The following CSTPP1 variants were observed in gnomAD, a reference collection of about 807,000 sequenced individuals.
CSTPP1 encodes the protein UPF0705 protein C11orf49.
the CSTPP1 span, among the ~76,000 whole-genome samples, chr11:46,955,390 G>A: frequency 0.79 from 117,048 of 148,182 alleles, 47,453 homozygotes; most frequent in African/African-American, 0.95. Context: ...TTCGAGACAG[G>A]GTCTTGCTCT....
the CSTPP1 span, among the ~76,000 whole-genome samples, chr11:47,082,606 G>A: frequency 3.3e-5 from 5 of 151,976 alleles, no homozygotes; most frequent in Admixed American, 2.0e-4. Flanking sequence ...CAATTCAGTC[G>A]TTTTTAGAAT....
the CSTPP1 span, among the ~76,000 whole-genome samples, chr11:47,002,722 GTGTTCTCAAGCCCCAA>G: frequency 0.023 from 3,514 of 152,148 alleles, 51 homozygotes; most frequent in Non-Finnish European, 0.036. Context: ...CTTGGCTGAA[GTGTTCTCAAGCCCCAA>G]TGATACTATT....
chr11:46,978,208 A>T, the CSTPP1 span, among the ~76,000 whole-genome samples: 2 of 152,256 alleles, frequency 1.3e-5, no homozygotes, highest in South Asian at 4.1e-4. Context: ...CCAACAAAGA[A>T]GATAACATAC....
the CSTPP1 span, chr11:47,161,549 G>T: frequency 6.2e-7 from 1 of 1,614,134 alleles, no homozygotes; most frequent in Middle Eastern, 1.7e-4. Context: ...TCCCCGGGTT[G>T]GCTCTCCCTG....
chr11:46,959,703 C>CT, the CSTPP1 span, among the ~76,000 whole-genome samples: 1 of 151,996 alleles, frequency 6.6e-6, no homozygotes, highest in Non-Finnish European at 1.5e-5. Context: ...TAAGTTTTAG[C>CT]TTTTTTTCTG....
the CSTPP1 span, chr11:47,161,222 T>C: frequency 6.2e-7 from 1 of 1,614,116 alleles, no homozygotes; most frequent in Non-Finnish European, 8.5e-7. Flanking sequence ...ACTGCCCCCT[T>C]GTGGGGGCCA....
chr11:46,981,758 T>TA, the CSTPP1 span, among the ~76,000 whole-genome samples: 145 of 152,080 alleles, frequency 9.5e-4, 4 homozygotes, highest in East Asian at 0.01. Context: ...CTCTAGTTTT[T>TA]AAAAAAATTG....
the CSTPP1 span, among the ~76,000 whole-genome samples, chr11:47,069,952 A>T: frequency 6.6e-6 from 1 of 152,192 alleles, no homozygotes; most frequent in African/African-American, 2.4e-5. Flanking sequence ...TGACCTCATG[A>T]TCCACCCGCC....
chr11:47,062,072 C>G, the CSTPP1 span, among the ~76,000 whole-genome samples: 1 of 152,114 alleles, frequency 6.6e-6, no homozygotes, highest in Non-Finnish European at 1.5e-5. Context: ...TTAAAGAAGC[C>G]TTCTCTGTGA....
At chr11:46,950,713 G>T in the CSTPP1 span, among the ~76,000 whole-genome samples, 1 of 151,958 alleles carries the variant, frequency 6.6e-6, no homozygotes, top group Non-Finnish European at 1.5e-5. Context: ...CCGGGTTCAA[G>T]CAATTCTCCT....
chr11:47,157,265 G>A, the CSTPP1 span: 44 of 1,513,452 alleles, frequency 2.9e-5, no homozygotes, highest in African/African-American at 1.5e-4. Context: ...CCAGGGGGTC[G>A]GACTGCTGGC....
the CSTPP1 span, among the ~76,000 whole-genome samples, chr11:47,135,804 T>A: frequency 6.6e-6 from 1 of 152,208 alleles, no homozygotes; most frequent in Non-Finnish European, 1.5e-5. Context: ...TTTTAAGAGC[T>A]TTTGTTGTGT....
At chr11:47,049,231 C>T in the CSTPP1 span, among the ~76,000 whole-genome samples, 6 of 152,228 alleles carry the variant, frequency 3.9e-5, no homozygotes, top group East Asian at 1.2e-3. Context: ...AAGCAGCCCA[C>T]CCACCTCAGC....
At chr11:47,136,164 T>C in the CSTPP1 span, among the ~76,000 whole-genome samples, 1 of 152,196 alleles carries the variant, frequency 6.6e-6, no homozygotes, top group Non-Finnish European at 1.5e-5. Context: ...AGATAGAACT[T>C]TCCTTTATTT....
the CSTPP1 span, among the ~76,000 whole-genome samples, chr11:47,067,598 C>T: frequency 1.3e-5 from 2 of 152,356 alleles, no homozygotes; most frequent in African/African-American, 2.4e-5. Context: ...TACCAGAGAG[C>T]TGCCCATGCC....
chr11:47,073,531 T>A, the CSTPP1 span, among the ~76,000 whole-genome samples: 1 of 152,076 alleles, frequency 6.6e-6, no homozygotes, highest in Non-Finnish European at 1.5e-5. Flanking sequence ...CTGTATTTTT[T>A]TGAGAAATAT....
At chr11:47,157,743 C>A in the CSTPP1 span, 1 of 1,479,124 alleles carries the variant, frequency 6.8e-7, no homozygotes, top group South Asian at 1.2e-5. Flanking sequence ...TCCTCATGAA[C>A]CTGAAAGTAT....
At chr11:46,977,817 G>A in the CSTPP1 span, among the ~76,000 whole-genome samples, 10 of 152,208 alleles carry the variant, frequency 6.6e-5, no homozygotes, top group East Asian at 3.9e-4. Context: ...GCATTTTTTC[G>A]CTTTACCTTG....
the CSTPP1 span, among the ~76,000 whole-genome samples, chr11:47,045,750 T>A: frequency 2.0e-5 from 3 of 152,124 alleles, no homozygotes; most frequent in Admixed American, 2.0e-4. Context: ...ACTTAATTAA[T>A]TATTGATTTT....
Sources: gnomAD v4.1 joint callset for allele counts (sites outside exome capture counted in the v4.1 genomes callset) on GRCh38, gnomAD v4.1.1 for gene constraint, MANE v1.5 for transcripts, NCBI Gene and HGNC (gene_info 2026-07-23, HGNC 2026-07-21) for gene names.